GABRG3: variants seen among roughly 807,000 people sequenced by gnomAD.
The protein encoded by GABRG3 is gamma-aminobutyric acid type A receptor subunit gamma3, also known as gamma-aminobutyric acid receptor subunit gamma-3.
GABRG3 carries 25 observed loss-of-function variants against 48.8 expected under a neutral mutation model. The ratio of observed to expected loss-of-function variants is 0.51; its 90% CI spans 0.37 to 0.72. GABRG3 has a LOEUF of 0.72. Ranked by LOEUF, GABRG3 falls within the 30% of genes least tolerant of loss-of-function variation. The pLI is 0.00. For synonymous variants in GABRG3, 227 were observed against 217.6 expected, an observed-to-expected ratio of 1.04 and a Z score of -0.38; for missense variants, 394 against 577.9, an observed-to-expected ratio of 0.68 and a Z score of 3.26.
intron 5 of GABRG3, among the ~76,000 whole-genome samples, chr15:27,351,218 G>A (rs939068551): frequency 2.0e-5 from 3 of 149,194 alleles, no homozygotes; most frequent in Admixed American, 6.7e-5. Flanking sequence ...GTGTTTGTGC[G>A]TGTATGGTGT....
At chr15:26,991,312 T>C (rs4291884) in intron 2 of GABRG3, among the ~76,000 whole-genome samples, 12,232 of 152,260 alleles carry the variant, frequency 0.08, 645 homozygotes, top group Middle Eastern at 0.22. Context: ...ATGCTGTTTT[T>C]GTTACTATAG....
chr15:27,272,288 T>C (rs1891116112), intron 3 of GABRG3, among the ~76,000 whole-genome samples: 1 of 152,224 alleles, frequency 6.6e-6, no homozygotes, highest in Admixed American at 6.5e-5. Context: ...CCTCATCTCT[T>C]GGGCACCCAG....
chr15:27,052,159 A>G (rs1896466515), intron 3 of GABRG3, among the ~76,000 whole-genome samples: 1 of 152,120 alleles, frequency 6.6e-6, no homozygotes, highest in African/African-American at 2.4e-5. Context: ...ATCTAAGAGG[A>G]AGAATGCCAT....
chr15:27,481,029 C>T, intron 6 of GABRG3: 1 of 1,309,480 alleles, frequency 7.6e-7, no homozygotes, highest in South Asian at 2.7e-5. Context: ...ATAAACCTAG[C>T]TATAAACTTA....
chr15:27,343,727 C>T (rs1894269147), intron 5 of GABRG3, among the ~76,000 whole-genome samples: 1 of 152,092 alleles, frequency 6.6e-6, no homozygotes, highest in Non-Finnish European at 1.5e-5. Context: ...GAACACGGTA[C>T]GTCAACAAAT....
intron 3 of GABRG3, among the ~76,000 whole-genome samples, chr15:27,247,440 T>C (rs1234743672): frequency 6.6e-6 from 1 of 152,130 alleles, no homozygotes; most frequent in Admixed American, 6.5e-5. Context: ...CTGGTGTGGC[T>C]GCAGCCACAC....
chr15:27,039,534 C>T (rs557231480), intron 3 of GABRG3, among the ~76,000 whole-genome samples: 65 of 152,308 alleles, frequency 4.3e-4, no homozygotes, highest in Admixed American at 1.0e-3. Context: ...AAGCTGAATC[C>T]AGTGACTGCC....
intron 3 of GABRG3, among the ~76,000 whole-genome samples, chr15:27,288,265 G>A (rs1162165189): frequency 6.6e-6 from 1 of 151,890 alleles, no homozygotes; most frequent in African/African-American, 2.4e-5. Flanking sequence ...GGCAAGGGAT[G>A]GTTTCAGGAT....
intron 3 of GABRG3, among the ~76,000 whole-genome samples, chr15:27,205,499 A>G (rs541154606): frequency 3.4e-4 from 52 of 152,110 alleles, no homozygotes; most frequent in African/African-American, 1.2e-3. Context: ...CATCAGGTAT[A>G]TTGGCCTAAA....
chr15:27,343,925 G>A (rs139917101), intron 5 of GABRG3, among the ~76,000 whole-genome samples: 111 of 149,532 alleles, frequency 7.4e-4, no homozygotes, highest in African/African-American at 2.5e-3. Context: ...ATACTTCTAG[G>A]CACCTTTCCT....
At chr15:27,434,418 G>A (rs1322079023) in intron 5 of GABRG3, among the ~76,000 whole-genome samples, 5 of 152,006 alleles carry the variant, frequency 3.3e-5, no homozygotes, top group African/African-American at 1.2e-4. Context: ...TGATCACCTG[G>A]GTTCCATCTC....
At chr15:27,518,982 A>G (rs1361455795) in intron 6 of GABRG3, among the ~76,000 whole-genome samples, 2 of 152,210 alleles carry the variant, frequency 1.3e-5, no homozygotes, top group Admixed American at 1.3e-4. Flanking sequence ...AATGGATCAT[A>G]TAGAACCATT....
At chr15:27,289,005 T>A (rs1891711152) in intron 3 of GABRG3, among the ~76,000 whole-genome samples, 1 of 152,206 alleles carries the variant, frequency 6.6e-6, no homozygotes, top group Admixed American at 6.5e-5. Flanking sequence ...CAACATCTTC[T>A]TCCATAACTT....
chr15:27,014,483 T>C (rs564387116), intron 2 of GABRG3, among the ~76,000 whole-genome samples: 6 of 152,234 alleles, frequency 3.9e-5, no homozygotes, highest in African/African-American at 1.2e-4. Flanking sequence ...AGTTTTGATA[T>C]GTTGTGTTTT....
At chr15:27,128,974 A>C (rs1897869445) in intron 3 of GABRG3, among the ~76,000 whole-genome samples, 2 of 152,230 alleles carry the variant, frequency 1.3e-5, no homozygotes, top group Admixed American at 6.5e-5. Context: ...TCACATATTT[A>C]GATAAAACTA....
At chr15:27,396,925 G>A (rs1268496143) in intron 5 of GABRG3, among the ~76,000 whole-genome samples, 1 of 152,140 alleles carries the variant, frequency 6.6e-6, no homozygotes, top group African/African-American at 2.4e-5. Flanking sequence ...AAAAGAGGTT[G>A]GTGGTTACCT....
intron 5 of GABRG3, among the ~76,000 whole-genome samples, chr15:27,419,494 T>C (rs1431027931): frequency 6.6e-6 from 1 of 152,168 alleles, no homozygotes; most frequent in Non-Finnish European, 1.5e-5. Flanking sequence ...CTGCCTAGCC[T>C]AGAATTATTT....
At chr15:27,277,796 T>C (rs963866796) in intron 3 of GABRG3, among the ~76,000 whole-genome samples, 3 of 152,212 alleles carry the variant, frequency 2.0e-5, no homozygotes, top group Admixed American at 2.0e-4. Context: ...GGAAGAAATT[T>C]AGAGGCCATT....
At chr15:27,386,458 T>C (rs1205086561) in intron 5 of GABRG3, among the ~76,000 whole-genome samples, 1 of 152,136 alleles carries the variant, frequency 6.6e-6, no homozygotes, top group Non-Finnish European at 1.5e-5. Flanking sequence ...CCCACTGATA[T>C]CACAGCAATG....
Sources: allele counts gnomAD v4.1 joint callset (sites outside exome capture counted in the v4.1 genomes callset), GRCh38; gene constraint gnomAD v4.1.1; transcripts MANE v1.5; gene names NCBI Gene and HGNC (gene_info 2026-07-23, HGNC 2026-07-21).